The following FAM107A variants were observed in gnomAD, a reference collection of about 807,000 sequenced individuals.
The protein encoded by FAM107A is actin-associated protein FAM107A.
Under a neutral mutation model 13.7 loss-of-function variants are expected in FAM107A, and 19 were observed. That is an observed-to-expected ratio of 1.38 (90% CI 0.97 to 2.03). The LOEUF (loss-of-function observed/expected upper bound fraction) is 2.03, where lower values mean the gene tolerates loss of function less well. FAM107A is among the 30% of genes most tolerant of loss of function. FAM107A has a pLI of 0.00. For missense variants in FAM107A, 203 were observed against 184.4 expected (o/e 1.10, Z -0.58); for synonymous variants, 82 against 74.5 (o/e 1.10, Z -0.52).
rs973848919 is a variant in FAM107A, at chr3:58,569,533, T to C, written c.170+158A>G. On this transcript the variant is annotated intron_variant, in intron 2 of 3. Transcript: ENST00000360997. The surrounding 1 kb of genome is among the most constrained non-coding windows in gnomAD (Gnocchi z 5.7). ...AGGGACCCACTGGGGACAGGGTCTT[T>C]ACAGGTTTTGCCGGTGATCATGTGG... Among the ~76,000 whole-genome samples the C allele has an allele frequency of 1.3e-5, 2 of 152,180 alleles. No individual in the cohort carries two copies. Among genetic ancestry groups the C allele is most frequent in the Non-Finnish European group, 2.9e-5 (2 of 68,004 alleles).
At chr3:58,626,067 C>T (rs1382030375) in intron 1 of FAM107A, among the ~76,000 whole-genome samples, 9 of 152,290 alleles carry the variant, frequency 5.9e-5, no homozygotes, top group South Asian at 4.1e-4. Context: ...TTCAGGTCAT[C>T]GCCACGGTAG....
intron 1 of FAM107A, among the ~76,000 whole-genome samples, chr3:58,605,413 T>G (rs2065785000): frequency 6.6e-6 from 1 of 152,196 alleles, no homozygotes; most frequent in Non-Finnish European, 1.5e-5. Flanking sequence ...GTGCCCTGTC[T>G]TGCAGATTCC....
intron 1 of FAM107A, chr3:58,586,792 G>T: frequency 6.9e-7 from 1 of 1,455,756 alleles, no homozygotes; most frequent in South Asian, 1.3e-5. Flanking sequence ...CAGGGACTGA[G>T]CGCCGTGCAC....
At chr3:58,587,001 T>G in exon 1 of FAM107A, 1 of 1,445,556 alleles carries the variant, frequency 6.9e-7, no homozygotes, top group South Asian at 1.4e-5. Context: ...AGGAGCGTAG[T>G]CCGGAGCCGA....
chr3:58,588,196 A>G (rs1332586352), upstream of FAM107A, among the ~76,000 whole-genome samples: 1 of 152,196 alleles, frequency 6.6e-6, no homozygotes, highest in Non-Finnish European at 1.5e-5. Context: ...CCTGAAATCT[A>G]GAGATTCCTG....
upstream of FAM107A, among the ~76,000 whole-genome samples, chr3:58,579,547 C>G (rs184142118): frequency 6.6e-6 from 1 of 152,160 alleles, no homozygotes; most frequent in African/African-American, 2.4e-5. Context: ...AGATTCTTGT[C>G]AAACCACTCT....
rs2063654912 is a variant in FAM107A, at chr3:58,569,148, C to G, written c.170+543G>C. ...CAGTGAGTGACTCCTGTTTCCTGTT[C>G]ATTTACATATGAGGTTCCCTCTGCC... On this transcript the variant is annotated intron_variant, in intron 2 of 3. Transcript: ENST00000360997. The surrounding 1 kb of genome is among the most constrained non-coding windows in gnomAD (Gnocchi z 5.7). Among the ~76,000 whole-genome samples the G allele has an allele frequency of 6.6e-6, 1 of 152,224 alleles. No individual in the cohort carries two copies.
At chr3:58,595,210 G>A (rs573071876) in intron 1 of FAM107A, among the ~76,000 whole-genome samples, 6 of 150,912 alleles carry the variant, frequency 4.0e-5, no homozygotes, top group South Asian at 2.1e-4. Flanking sequence ...AATTTTCACC[G>A]CCCCAACCCT....
exon 1 of FAM107A, chr3:58,587,083 A>G: frequency 7.3e-7 from 1 of 1,363,844 alleles, no homozygotes; most frequent in Non-Finnish European, 9.4e-7. Flanking sequence ...CGGCGGCCGG[A>G]GGGGCGGGCG....
upstream of FAM107A, among the ~76,000 whole-genome samples, chr3:58,590,145 A>T (rs2108064495): frequency 6.6e-6 from 1 of 152,320 alleles, no homozygotes; most frequent in African/African-American, 2.4e-5. Flanking sequence ...GCTACCTGAC[A>T]TCTCCACTTG....
At chr3:58,596,134 C>T (rs976772508) in intron 1 of FAM107A, among the ~76,000 whole-genome samples, 1 of 152,186 alleles carries the variant, frequency 6.6e-6, no homozygotes, top group African/African-American at 2.4e-5. Context: ...CTGTGGCCTC[C>T]GCCTGCCTCT....
chr3:58,567,261 G>C lies in FAM107A; in HGVS notation c.274C>G (p.Leu92Val), dbSNP rs1404311851. Residue 92 changes from leucine to valine, a missense_variant, in exon 3 of 4, where the codon CTG (leucine) becomes GTG (valine). Transcript: ENST00000360997. Reference protein sequence around the residue: ...KKKEELEAKRLQCPFEQELLR... With the variant: ...KKKEELEAKRVQCPFEQELLR... ...AGCTCCTGCTCAAAGGGGCACTGCA[G>C]CCGCTTGGCTTCCAGCTCCTCCTTC... The C allele has an allele frequency of 5.6e-6, 9 of 1,614,134 alleles. No individual in the cohort carries two copies. The highest frequency in any genetic ancestry group is 7.6e-6 in the Non-Finnish European group (9 of 1,180,014).
upstream of FAM107A, among the ~76,000 whole-genome samples, chr3:58,582,715 A>G (rs2065561741): frequency 6.6e-6 from 1 of 152,232 alleles, no homozygotes; most frequent in South Asian, 2.1e-4. Context: ...TGTTCTGGAG[A>G]GCCCTTCACA....
intron 1 of FAM107A, chr3:58,586,763 C>G: frequency 7.9e-7 from 1 of 1,261,816 alleles, no homozygotes; most frequent in Non-Finnish European, 1.0e-6. Flanking sequence ...GAAGCAGAGG[C>G]GCCCAGCGGC....
chr3:58,602,833 A>G (rs2065763853), intron 1 of FAM107A, among the ~76,000 whole-genome samples: 1 of 152,246 alleles, frequency 6.6e-6, no homozygotes, highest in Admixed American at 6.5e-5. Context: ...TGACTTTTCC[A>G]CCAACCTAAT....
intron 1 of FAM107A, among the ~76,000 whole-genome samples, chr3:58,614,868 C>T (rs545185806): frequency 1.4e-5 from 2 of 144,898 alleles, no homozygotes; most frequent in South Asian, 2.3e-4. Context: ...TGCAATGGCA[C>T]GATCTTGGCT....
chr3:58,584,303 T>C (rs773973928), intron 1 of FAM107A, among the ~76,000 whole-genome samples: 1 of 152,196 alleles, frequency 6.6e-6, no homozygotes, highest in Non-Finnish European at 1.5e-5. Flanking sequence ...AATACATCCC[T>C]GCACCTTGGA....
chr3:58,622,937 C>T (rs1278347809), intron 1 of FAM107A, among the ~76,000 whole-genome samples: 2 of 152,214 alleles, frequency 1.3e-5, no homozygotes, highest in South Asian at 2.1e-4. Flanking sequence ...GCCCCTTTCT[C>T]CTCAGAGAAG....
chr3:58,568,122 C>CG (rs1433272426), intron 2 of FAM107A, among the ~76,000 whole-genome samples: 6 of 149,550 alleles, frequency 4.0e-5, no homozygotes, highest in African/African-American at 1.2e-4. Context: ...ACTTTTTATT[C>CG]ATTTTTTCCT....
Sources: allele counts gnomAD v4.1 joint callset (sites outside exome capture counted in the v4.1 genomes callset), GRCh38; gene constraint gnomAD v4.1.1; non-coding constraint Gnocchi (gnomAD v3.1); transcripts MANE v1.5; gene names NCBI Gene and HGNC (gene_info 2026-07-23, HGNC 2026-07-21).